POLE: variants seen among roughly 807,000 people sequenced by gnomAD.
The protein encoded by POLE is DNA polymerase epsilon, catalytic subunit, also known as DNA polymerase epsilon catalytic subunit A.
In POLE, 188 loss-of-function variants were observed where a neutral mutation model predicts 279.2. That is an observed-to-expected ratio of 0.67 (90% CI 0.60 to 0.76). POLE has a LOEUF of 0.76. Ranked by LOEUF, POLE falls within the 30% of genes least tolerant of loss-of-function variation. POLE has a pLI of 0.00. For missense variants in POLE, 2,703 were observed against 3,016.7 expected (o/e 0.90, Z 2.44); for synonymous variants, 1,214 against 1,172.5 (o/e 1.04, Z -0.72).
Position 132,638,126 on chromosome 12 carries a change from A to G in POLE, c.5566T>C (p.Phe1856Leu), listed in dbSNP as rs1060500846. The change falls in exon 41 of 49, where the codon TTC becomes CTC. Residue 1856 changes from phenylalanine (F) to leucine (L), a missense_variant. Phe to Leu is a conservative substitution (Grantham distance 22). This residue lies in a region of POLE where 1,551 missense variants were observed against 1,686.1 expected (regional missense o/e 0.92). Coordinates refer to ENST00000320574, the MANE Select transcript of POLE (RefSeq NM_006231.4). Reference sequence around the variant, plus strand: ...ATGACTGATGACCCCAGGCGCTTGAACTCAGCGATGAGCCTGTGGAGCAAG... The same window carrying G: ...ATGACTGATGACCCCAGGCGCTTGAGCTCAGCGATGAGCCTGTGGAGCAAG... ...KKLFLQLIAE[F>L]KRLGSSVIYA... 2.5e-6 allele frequency: 4 copies of G among 1,613,344 alleles called. No individual in the cohort carries two copies. The African/African-American group carries it at 5.4e-5, about 22-fold the overall frequency.
At chr12:132,647,700 T>C (rs1301122853) in intron 32 of POLE, among the ~76,000 whole-genome samples, 1 of 151,994 alleles carries the variant, frequency 6.6e-6, no homozygotes, top group African/African-American at 2.4e-5. Context: ...CTGATAGTCA[T>C]AAAGGGAAAC....
Position 132,659,279 on chromosome 12 carries a change from TG to T in POLE, c.3275+15del. ...GGGAGGAGCCCTCACCTCTCCGTGA[TG>T]GGGGGAGCCCTCACCTCTCCGTGAC... On this transcript the variant is annotated intron_variant, in intron 26 of 48. Transcript: ENST00000320574. The T allele has an allele frequency of 6.2e-7, 1 of 1,607,066 alleles. No individual in the cohort carries two copies. The highest frequency in any genetic ancestry group is 1.3e-5 in the African/African-American group (1 of 74,372).
chr12:132,635,785 C>G (rs2042019475), intron 42 of POLE, 107 bp downstream of exon 42: 1 of 1,162,304 alleles, frequency 8.6e-7, no homozygotes, highest in African/African-American at 1.5e-5. Flanking sequence ...GGTGCAGTGT[C>G]TGCTGCTCAC....
rs142198707 is a variant in POLE at position 132,625,932 on chromosome 12, C to T, written c.6532-162G>A. ...CTGGCCTCCCACCTGCACTTGAGCC[C>T]TTCCTAGGACAACATTCCGAACATG... On this transcript the variant is annotated intron_variant, in intron 46 of 48. Transcript: ENST00000320574. The T allele has an allele frequency of 3.5e-4, 403 of 1,138,422 alleles. 2 individuals carry two copies. In the East Asian group the frequency reaches 9.9e-3, roughly 28 times the overall value. The allele number at this position is 1,138,422 out of a possible 1,614,324, so 70.5% of individuals were successfully genotyped here.
At chr12:132,643,726 C>A in intron 33 of POLE, 111 bp downstream of exon 33, 1 of 1,464,296 alleles carries the variant, frequency 6.8e-7, no homozygotes, top group Non-Finnish European at 9.4e-7. Flanking sequence ...CCTGTGGGAA[C>A]GAGTCCACTG....
At chr12:132,630,623 C>T (rs948170730) in intron 45 of POLE, among the ~76,000 whole-genome samples, 3 of 152,116 alleles carry the variant, frequency 2.0e-5, no homozygotes, top group Non-Finnish European at 2.9e-5. Context: ...TGGTGGCAGG[C>T]ACCTGTAATC....
At chr12:132,677,158 G>A (rs1297304489) in intron 8 of POLE, among the ~76,000 whole-genome samples, 2 of 152,170 alleles carry the variant, frequency 1.3e-5, no homozygotes, top group Non-Finnish European at 2.9e-5. Context: ...CTCAAACACT[G>A]ATGTCATACA....
chr12:132,632,310 C>G lies in POLE; in HGVS notation c.6330+5G>C. ...CTCTCCTCACACGCACGCTGGCACT[C>G]TCACCTTGCACACGTATTTGATGAA... On this transcript the variant is annotated splice_donor_5th_base_variant and intron_variant, in intron 45 of 48. Transcript: ENST00000320574. 1 of 1,612,076 alleles carries G rather than the reference C, an allele frequency of 6.2e-7. No individual in the cohort carries two copies. The highest frequency in any genetic ancestry group is 1.1e-5 in the South Asian group (1 of 91,024).
intron 39 of POLE, chr12:132,641,416 G>T (rs2042137949): frequency 1.7e-6 from 1 of 578,582 alleles, no homozygotes; most frequent in African/African-American, 1.9e-5. Flanking sequence ...AAGTACCTCT[G>T]GCCACAGGGA....
In POLE at chr12:132,638,005, C is replaced by T. The variant is rs2042067671; in HGVS notation, c.5678+9G>A. On this transcript the variant is annotated intron_variant, in intron 41 of 48. Coordinates refer to ENST00000320574, the MANE Select transcript of POLE (RefSeq NM_006231.4). ...ACAGTGCTGCGTCACCAGGACCAGCCAGCCGCACCTGCTGGTGATGTACTC... is the reference window on the plus strand; with the variant it reads ...ACAGTGCTGCGTCACCAGGACCAGCTAGCCGCACCTGCTGGTGATGTACTC... The T allele has an allele frequency of 3.1e-6, 5 of 1,613,300 alleles. No individual in the cohort carries two copies. In the East Asian group the frequency reaches 8.9e-5, roughly 29 times the overall value.
At chr12:132,681,399 A>C in intron 1 of POLE, 120 bp from the exon 2 acceptor site, 1 of 1,008,004 alleles carries the variant, frequency 9.9e-7, no homozygotes, top group Non-Finnish European at 1.4e-6. Context: ...GCTGGAGTGC[A>C]GTGGTGTGAT....
chr12:132,660,070 T>TG (rs1240951145), intron 25 of POLE: 4 of 158,810 alleles, frequency 2.5e-5, no homozygotes, highest in Admixed American at 2.4e-4. Context: ...AAAAGGATGT[T>TG]GCTCGGCCTA....
At chr12:132,636,694 G>A (rs187766476) in intron 41 of POLE, among the ~76,000 whole-genome samples, 13 of 152,198 alleles carry the variant, frequency 8.5e-5, no homozygotes, top group Non-Finnish European at 1.8e-4. Context: ...GTTTGAGGCC[G>A]CAGTGAGCCA....
rs1190987129 is a variant in POLE at position 132,676,221 on chromosome 12, G to A, written c.910-17C>T. On this transcript the variant is annotated splice_polypyrimidine_tract_variant and intron_variant, in intron 9 of 48. Transcript: ENST00000320574. ...GAGGTAGCCCTAGCCAAGTTCATTAGCAATCAGCACAAGTCAGAGGCTGCA... is the reference window on the plus strand; with the variant it reads ...GAGGTAGCCCTAGCCAAGTTCATTAACAATCAGCACAAGTCAGAGGCTGCA... The A allele has an allele frequency of 5.8e-6, 9 of 1,545,472 alleles. No homozygotes were observed. The highest frequency in any genetic ancestry group is 8.0e-6 in the Non-Finnish European group (9 of 1,119,006).
chr12:132,681,291 A>G lies in POLE; in HGVS notation c.63-12T>C, dbSNP rs1305109045. The G allele has an allele frequency of 5.0e-6, 8 of 1,612,062 alleles. No individual in the cohort carries two copies. The highest frequency in any genetic ancestry group is 3.4e-5 in the Admixed American group (2 of 59,544). Reference sequence around the variant, plus strand: ...TGGCGCCATCATCCCTGAGTGAAAGAAGGGAACCCCGTGCTTAATTTGTAA... The same window carrying G: ...TGGCGCCATCATCCCTGAGTGAAAGGAGGGAACCCCGTGCTTAATTTGTAA... On this transcript the variant is annotated splice_polypyrimidine_tract_variant and intron_variant, in intron 1 of 48. Transcript: ENST00000320574.
At position 132,649,010 on chromosome 12, in the gene POLE, G is replaced by A. The variant is rs2138598457; in HGVS notation, c.4068C>T (p.His1356=). The change falls in exon 32 of 49, where the codon CAC becomes CAT. Residue 1356 remains histidine, a synonymous_variant. Transcript: ENST00000320574. The part of the protein sequence containing the change: ...RLWALVGSDL[H]CIRLSIPRVF... ...CACGGGGGATGCTCAGCCTGATGCAGTGCAAGTCACTGCCAACGAGCGCCC... is the reference window on the plus strand; with the variant it reads ...CACGGGGGATGCTCAGCCTGATGCAATGCAAGTCACTGCCAACGAGCGCCC... 1.2e-6 allele frequency: 2 copies of A among 1,614,020 alleles called. No homozygotes were observed. The highest frequency in any genetic ancestry group is 1.7e-4 in the Middle Eastern group (1 of 6,056).
intron 29 of POLE, among the ~76,000 whole-genome samples, chr12:132,653,927 G>A (rs1406918936): frequency 6.6e-6 from 1 of 152,140 alleles, no homozygotes; most frequent in South Asian, 2.1e-4. Context: ...ATGATCTTAC[G>A]AGCCTTCTCC....
rs565393391 is a variant in POLE at position 132,656,517 on chromosome 12, C to A, written c.3582+619G>T. Among the ~76,000 whole-genome samples the A allele has an allele frequency of 7.9e-5, 12 of 152,112 alleles. No homozygotes were observed. In the East Asian group the frequency reaches 2.1e-3, roughly 27 times the overall value. ...AGGACTACAGGCGCCCACCACTACG[C>A]CTGGCTAATTTTTTGTATTTTTAGT... On this transcript the variant is annotated intron_variant, in intron 29 of 48. Coordinates refer to ENST00000320574, the MANE Select transcript of POLE (RefSeq NM_006231.4).
Position 132,643,579 on chromosome 12 carries a change from C to T in POLE, c.4291-19G>A, listed in dbSNP as rs937458119. ...ACGGAACCTGGAAGAATCGGGCAGA[C>T]AGGCCGGCAAGGGCTGGATGGTGGG... On this transcript the variant is annotated intron_variant, in intron 33 of 48. Coordinates refer to ENST00000320574, the MANE Select transcript of POLE (RefSeq NM_006231.4). 3.7e-6 allele frequency: 6 copies of T among 1,613,704 alleles called. No homozygotes were observed. The African/African-American group carries it at 6.7e-5, about 18-fold the overall frequency.
Sources: allele counts gnomAD v4.1 joint callset (sites outside exome capture counted in the v4.1 genomes callset), GRCh38; gene constraint gnomAD v4.1.1; regional missense constraint gnomAD v4.1.1; transcripts MANE v1.5; gene names NCBI Gene and HGNC (gene_info 2026-07-23, HGNC 2026-07-21).